FBXL2: variants seen among roughly 807,000 people sequenced by gnomAD.
The protein encoded by FBXL2 is F-box and leucine rich repeat protein 2.
A neutral mutation model predicts 69.2 loss-of-function variants in FBXL2; 38 were observed. The ratio of observed to expected loss-of-function variants is 0.55; its 90% CI spans 0.42 to 0.72. FBXL2 has a LOEUF of 0.72. Ranked by LOEUF, FBXL2 falls within the 30% of genes least tolerant of loss-of-function variation. FBXL2 has a pLI of 0.00. For synonymous variants in FBXL2, 192 were observed against 201.3 expected (o/e 0.95, Z 0.39); for missense variants, 354 against 520.3 (o/e 0.68, Z 3.11).
intron 12 of FBXL2, among the ~76,000 whole-genome samples, chr3:33,395,309 C>T (rs60509610): frequency 1.3e-5 from 2 of 151,984 alleles, no homozygotes; most frequent in African/African-American, 4.8e-5. Context: ...ATAACTGCAT[C>T]TCTGAATGCC....
At chr3:33,319,902 A>G (rs1304949910) in intron 2 of FBXL2, among the ~76,000 whole-genome samples, 1 of 152,200 alleles carries the variant, frequency 6.6e-6, no homozygotes, top group African/African-American at 2.4e-5. Context: ...TAAGATATCT[A>G]AAGACAAAAT....
chr3:33,293,826 C>A (rs1415544775), intron 1 of FBXL2, among the ~76,000 whole-genome samples: 1 of 152,050 alleles, frequency 6.6e-6, no homozygotes, highest in Non-Finnish European at 1.5e-5. Context: ...ATTTAGACAG[C>A]AGAATAAGGA....
chr3:33,378,628 GA>G, intron 12 of FBXL2, 56 bp from the exon 13 acceptor site: 5 of 1,542,356 alleles, frequency 3.2e-6, no homozygotes, highest in Non-Finnish European at 4.4e-6. Context: ...GAGAAGCCAG[GA>G]TTAGGTATTA....
At position 33,394,239 on chromosome 3, in the gene FBXL2, G is replaced by T. The variant is rs527785500; in HGVS notation, n.1214+8511G>T. Among the ~76,000 whole-genome samples, 4 of 148,444 alleles carry T rather than the reference G, an allele frequency of 2.7e-5. No individual in the cohort carries two copies. The South Asian group carries it at 8.6e-4, about 32-fold the overall frequency. ...TATTATTATTATTTGTAGAGACAGG[G>T]TTTCACCATGTTGCCCAAGCTGTCT... On this transcript the variant is annotated intron_variant and non_coding_transcript_variant, in intron 12 of 12. Coordinates refer to the FBXL2 transcript ENST00000463736.
downstream of FBXL2, chr3:33,392,272 TATTCAATAG>T (rs1325372038): frequency 6.7e-6 from 2 of 299,130 alleles, no homozygotes; most frequent in Non-Finnish European, 1.2e-5. Flanking sequence ...GATTCTGTTT[TATTCAATAG>T]ATCCACTGAG....
At chr3:33,288,248 A>AT (rs1357269186) in intron 1 of FBXL2, among the ~76,000 whole-genome samples, 6 of 151,820 alleles carry the variant, frequency 4.0e-5, no homozygotes, top group Non-Finnish European at 7.4e-5. Flanking sequence ...CTTTCCATTG[A>AT]TTTTTTTTGT....
intron 2 of FBXL2, among the ~76,000 whole-genome samples, chr3:33,314,896 TA>T (rs1575163464): frequency 6.6e-6 from 1 of 152,194 alleles, no homozygotes; most frequent in East Asian, 1.9e-4. Context: ...CATTAATTTT[TA>T]AAAAATGTCT....
At chr3:33,297,802 C>T in intron 2 of FBXL2, 77 bp downstream of exon 2, 1 of 873,710 alleles carries the variant, frequency 1.1e-6, no homozygotes, top group South Asian at 1.4e-5. Flanking sequence ...TTCTTTCTCA[C>T]TGTGAGTCCA....
intron 2 of FBXL2, among the ~76,000 whole-genome samples, chr3:33,358,702 T>C (rs531948272): frequency 1.3e-5 from 2 of 152,350 alleles, no homozygotes; most frequent in East Asian, 3.9e-4. Context: ...GTCTTTCCTG[T>C]GTCCATTACT....
intron 2 of FBXL2, among the ~76,000 whole-genome samples, chr3:33,333,878 G>GT (rs2039359819): frequency 1.3e-5 from 2 of 152,174 alleles, no homozygotes; most frequent in East Asian, 3.9e-4. Flanking sequence ...CAAACAAAAA[G>GT]TATCGAAACT....
intron 12 of FBXL2, chr3:33,402,735 A>G: frequency 8.5e-7 from 1 of 1,171,542 alleles, no homozygotes; most frequent in Non-Finnish European, 1.2e-6. Flanking sequence ...GTACATGGAG[A>G]GATGGGGAAA....
At chr3:33,413,106 T>A in the FBXL2 span, among the ~76,000 whole-genome samples, 1 of 152,184 alleles carries the variant, frequency 6.6e-6, no homozygotes, top group Non-Finnish European at 1.5e-5. Flanking sequence ...AAAATTAAGG[T>A]TCTTCCCACT....
intron 2 of FBXL2, among the ~76,000 whole-genome samples, chr3:33,311,454 G>A (rs561072451): frequency 6.6e-4 from 100 of 152,040 alleles, no homozygotes; most frequent in Middle Eastern, 6.8e-3. Flanking sequence ...ATTCTGATAG[G>A]CTTTCTTCAC....
At chr3:33,376,619 A>T (rs756739266) in intron 10 of FBXL2, among the ~76,000 whole-genome samples, 4 of 152,232 alleles carry the variant, frequency 2.6e-5, no homozygotes, top group Non-Finnish European at 5.9e-5. Flanking sequence ...AAATTTTTTA[A>T]ATTTCCTTTA....
In FBXL2 at chr3:33,377,069, G is replaced by A. The variant is rs565550704; in HGVS notation, c.789-204G>A. On this transcript the variant is annotated intron_variant, in intron 10 of 14. Transcript: ENST00000484457. Reference sequence around the variant, plus strand: ...AATACTATTTAAAAACAACATGCTGGTAAAGCAGGAAGATTCTTGGATTTA... The same window carrying A: ...AATACTATTTAAAAACAACATGCTGATAAAGCAGGAAGATTCTTGGATTTA... 1.5e-4 allele frequency among the ~76,000 whole-genome samples: 23 copies of A among 152,252 alleles called. No individual in the cohort carries two copies. The South Asian group carries it at 2.3e-3, about 15-fold the overall frequency.
At chr3:33,314,726 T>C (rs1341133336) in intron 2 of FBXL2, among the ~76,000 whole-genome samples, 1 of 152,200 alleles carries the variant, frequency 6.6e-6, no homozygotes, top group Non-Finnish European at 1.5e-5. Flanking sequence ...TATTAAAATA[T>C]CACATTCATT....
the FBXL2 span, chr3:33,416,956 C>T: frequency 1.9e-5 from 15 of 809,534 alleles, no homozygotes; most frequent in African/African-American, 7.0e-5. Flanking sequence ...TAATTTGCTA[C>T]GGAAGCAAAT....
intron 12 of FBXL2, chr3:33,402,849 G>A (rs761777759): frequency 1.2e-5 from 20 of 1,609,012 alleles, no homozygotes; most frequent in Admixed American, 8.5e-5. Context: ...GAAAGTGGGC[G>A]CTGGGGAAGG....
chr3:33,400,328 T>G (rs2044175984), intron 12 of FBXL2: 1 of 1,444,086 alleles, frequency 6.9e-7, no homozygotes. Context: ...CCATTCAGAC[T>G]TAGAACATTT....
Sources: allele counts gnomAD v4.1 joint callset (sites outside exome capture counted in the v4.1 genomes callset), GRCh38; gene constraint gnomAD v4.1.1; transcripts MANE v1.5; gene names NCBI Gene and HGNC (gene_info 2026-07-23, HGNC 2026-07-21).